RBFOX1: variants seen among roughly 807,000 people sequenced by gnomAD.
The protein encoded by RBFOX1 is RNA binding fox-1 homolog 1, also known as RNA binding protein fox-1 homolog 1.
In RBFOX1, 8 loss-of-function variants were observed where a neutral mutation model predicts 57.7. That is an observed-to-expected ratio of 0.14 (90% CI 0.08 to 0.25). The LOEUF is 0.25. Among genes scored for constraint, RBFOX1 ranks in the 10% least tolerant of loss-of-function variants. The probability of loss-of-function intolerance (pLI) is 1.00; values close to 1 mark genes in which losing one functional copy is unlikely to be tolerated. For missense variants in RBFOX1, 611 were observed against 548.5 expected (o/e 1.11, Z -1.14); for synonymous variants, 326 against 222.4 (o/e 1.47, Z -4.15).
upstream of RBFOX1, among the ~76,000 whole-genome samples, chr16:6,016,546 A>T (rs2094994931): frequency 6.6e-6 from 1 of 152,236 alleles, no homozygotes; most frequent in Admixed American, 6.5e-5. Context: ...AAGTAAGATG[A>T]TGAAATTTAC....
At chr16:6,841,716 C>T (rs1241111510) in intron 3 of RBFOX1, among the ~76,000 whole-genome samples, 1 of 152,044 alleles carries the variant, frequency 6.6e-6, no homozygotes, top group South Asian at 2.1e-4. Flanking sequence ...GCACATGAAC[C>T]CTCTAAGAAG....
intron 4 of RBFOX1, among the ~76,000 whole-genome samples, chr16:7,268,254 G>A (rs918905071): frequency 4.6e-5 from 7 of 152,202 alleles, no homozygotes; most frequent in African/African-American, 1.7e-4. Flanking sequence ...GTTAAGCTGT[G>A]TAGGACTGTG....
intron 5 of RBFOX1, chr16:7,519,585 G>C (rs971363488): frequency 1.6e-5 from 6 of 365,408 alleles, no homozygotes; most frequent in Non-Finnish European, 1.9e-5. Context: ...ATGTTCATTT[G>C]TGTGCCACCT....
intron 2 of RBFOX1, among the ~76,000 whole-genome samples, chr16:5,586,622 A>C (rs370638410): frequency 6.6e-6 from 1 of 152,196 alleles, no homozygotes; most frequent in Admixed American, 6.5e-5. Context: ...TGCAGCTCCT[A>C]AGTAGCTGGG....
chr16:6,635,026 TTATA>T (rs528411709), intron 2 of RBFOX1, among the ~76,000 whole-genome samples: 28 of 143,810 alleles, frequency 1.9e-4, no homozygotes, highest in African/African-American at 6.5e-4. Context: ...GTTACACAAA[TTATA>T]TATGACATGC....
intron 1 of RBFOX1, among the ~76,000 whole-genome samples, chr16:6,178,256 G>C (rs915416244): frequency 7.1e-6 from 1 of 141,296 alleles, no homozygotes; most frequent in Non-Finnish European, 1.5e-5. Flanking sequence ...GTGAGATCTC[G>C]GTTCACTGCA....
At chr16:6,636,812 T>A (rs866266899) in intron 2 of RBFOX1, among the ~76,000 whole-genome samples, 1 of 9,396 alleles carries the variant, frequency 1.1e-4, no homozygotes, top group Non-Finnish European at 7.0e-3. Flanking sequence ...ATATAATATA[T>A]AATATATAAT....
intron 3 of RBFOX1, among the ~76,000 whole-genome samples, chr16:7,036,596 G>A (rs2044500035): frequency 1.3e-5 from 2 of 152,016 alleles, no homozygotes; most frequent in East Asian, 1.9e-4. Context: ...GGGAGGCTGA[G>A]GCTGGAGAAT....
chr16:6,762,753 T>C (rs1182089024), intron 3 of RBFOX1, among the ~76,000 whole-genome samples: 1 of 151,508 alleles, frequency 6.6e-6, no homozygotes, highest in Non-Finnish European at 1.5e-5. Flanking sequence ...GTAAAGAGCC[T>C]TACCCCAAGG....
At chr16:6,513,767 T>G (rs1049304015) in intron 2 of RBFOX1, among the ~76,000 whole-genome samples, 2 of 151,602 alleles carry the variant, frequency 1.3e-5, no homozygotes, top group South Asian at 4.2e-4. Context: ...AAAAACAAAG[T>G]CTGGAAACCA....
At chr16:6,691,401 C>G (rs947910184) in intron 3 of RBFOX1, among the ~76,000 whole-genome samples, 4 of 152,202 alleles carry the variant, frequency 2.6e-5, no homozygotes, top group Non-Finnish European at 5.9e-5. Flanking sequence ...CCAATCCAAA[C>G]TTGTCACTTT....
intron 3 of RBFOX1, among the ~76,000 whole-genome samples, chr16:5,813,119 T>G (rs550972727): frequency 1.3e-5 from 2 of 152,026 alleles, no homozygotes; most frequent in East Asian, 1.9e-4. Flanking sequence ...GTGATTCTCC[T>G]GCCTCAGCCT....
intron 3 of RBFOX1, among the ~76,000 whole-genome samples, chr16:7,023,167 G>C (rs999040881): frequency 6.6e-6 from 1 of 152,016 alleles, no homozygotes; most frequent in South Asian, 2.1e-4. Flanking sequence ...GCAGAAGGAG[G>C]GAGGTAATGA....
At chr16:5,645,724 G>A (rs893686954) in intron 3 of RBFOX1, among the ~76,000 whole-genome samples, 18 of 152,288 alleles carry the variant, frequency 1.2e-4, no homozygotes, top group South Asian at 2.1e-4. Flanking sequence ...GGAGTGCAGC[G>A]GTGCAATCAG....
At chr16:5,616,310 C>T (rs961007277) in intron 3 of RBFOX1, 1 of 152,280 alleles carries the variant, frequency 6.6e-6, no homozygotes, top group Non-Finnish European at 1.5e-5. Flanking sequence ...TGGCCGCTTC[C>T]TGGAGCTGTC....
intron 2 of RBFOX1, among the ~76,000 whole-genome samples, chr16:6,464,472 A>G (rs1003896486): frequency 6.6e-6 from 1 of 152,232 alleles, no homozygotes; most frequent in Non-Finnish European, 1.5e-5. Flanking sequence ...CGTTGTTTGT[A>G]ATAACGAAGT....
At chr16:6,603,030 C>T (rs2097874350) in intron 2 of RBFOX1, among the ~76,000 whole-genome samples, 2 of 152,182 alleles carry the variant, frequency 1.3e-5, no homozygotes, top group Admixed American at 1.3e-4. Context: ...TTATTTATTT[C>T]AGTAAGTATT....
At chr16:5,779,771 G>A (rs953521490) in intron 3 of RBFOX1, among the ~76,000 whole-genome samples, 8 of 152,112 alleles carry the variant, frequency 5.3e-5, no homozygotes, top group Non-Finnish European at 7.3e-5. Context: ...TGATAATGAG[G>A]TGTTGCGGCA....
At chr16:6,210,010 T>C (rs2097282676) in intron 1 of RBFOX1, among the ~76,000 whole-genome samples, 1 of 152,018 alleles carries the variant, frequency 6.6e-6, no homozygotes, top group Non-Finnish European at 1.5e-5. Flanking sequence ...TCTAGGAACA[T>C]GACAAAGTTA....
Sources: allele counts gnomAD v4.1 joint callset (sites outside exome capture counted in the v4.1 genomes callset), GRCh38; gene constraint gnomAD v4.1.1; transcripts MANE v1.5; gene names NCBI Gene and HGNC (gene_info 2026-07-23, HGNC 2026-07-21).